The following CUX2 variants were observed in gnomAD, a reference collection of about 807,000 sequenced individuals.
The protein encoded by CUX2 is cut like homeobox 2, also known as homeobox protein cut-like 2.
Under a neutral mutation model 144.8 loss-of-function variants are expected in CUX2, and 40 were observed. The observed-to-expected ratio is 0.28, with a 90% confidence interval of 0.21 to 0.36. The LOEUF (loss-of-function observed/expected upper bound fraction) is 0.36. CUX2 is among the 10% of genes least tolerant of loss of function. CUX2 has a pLI of 1.00. For synonymous variants in CUX2, 827 were observed against 875.6 expected, an observed-to-expected ratio of 0.94 and a Z score of 0.98; for missense variants, 1,615 against 1,994.0, an observed-to-expected ratio of 0.81 and a Z score of 3.62.
intron 1 of CUX2, among the ~76,000 whole-genome samples, chr12:111,101,816 C>T (rs545644123): frequency 2.6e-5 from 4 of 152,238 alleles, no homozygotes; most frequent in African/African-American, 7.2e-5. Flanking sequence ...CAGATTGGTT[C>T]GGTGTGTCCT....
At chr12:111,344,281 G>A (rs780718407) in intron 21 of CUX2, among the ~76,000 whole-genome samples, 3 of 152,134 alleles carry the variant, frequency 2.0e-5, no homozygotes. Context: ...ACCAATCCCC[G>A]CCCTTAAGGA....
At chr12:111,204,349 G>A (rs529969810) in intron 1 of CUX2, among the ~76,000 whole-genome samples, 8 of 152,340 alleles carry the variant, frequency 5.3e-5, no homozygotes, top group Non-Finnish European at 1.2e-4. Flanking sequence ...TGCTCCCCAT[G>A]TAACCACATG....
At chr12:111,102,228 C>T (rs1873298020) in intron 1 of CUX2, among the ~76,000 whole-genome samples, 1 of 152,218 alleles carries the variant, frequency 6.6e-6, no homozygotes, top group South Asian at 2.1e-4. Flanking sequence ...CCTGTCTCTC[C>T]TCCAACGGTC....
intron 1 of CUX2, among the ~76,000 whole-genome samples, chr12:111,073,657 A>G (rs1871357245): frequency 6.6e-6 from 1 of 152,072 alleles, no homozygotes; most frequent in South Asian, 2.1e-4. Context: ...CCAAATTGTA[A>G]CAATGAAAAA....
chr12:111,226,557 G>A (rs1882156365), intron 3 of CUX2, among the ~76,000 whole-genome samples: 2 of 151,984 alleles, frequency 1.3e-5, no homozygotes, highest in Non-Finnish European at 2.9e-5. Flanking sequence ...GTTGTTCCGG[G>A]TATTTCTCAT....
intron 1 of CUX2, among the ~76,000 whole-genome samples, chr12:111,071,868 A>G (rs1871266142): frequency 6.6e-6 from 1 of 152,204 alleles, no homozygotes; most frequent in African/African-American, 2.4e-5. Context: ...TTGAAAAGAC[A>G]AATATCTCTT....
intron 1 of CUX2, among the ~76,000 whole-genome samples, chr12:111,125,523 T>A (rs1231047187): frequency 6.6e-6 from 1 of 152,258 alleles, no homozygotes. Flanking sequence ...TAGCCTTTTA[T>A]GTCTGGCATC....
At position 111,312,708 on chromosome 12, in the gene CUX2, A is replaced by G. The variant is rs906976874; in HGVS notation, c.2002+507A>G. ...AAGCAAGACTCTGTCAGAAAAAAAAAAAGAAAAATATCCCAAGACTCGACA... is the reference window on the plus strand; with the variant it reads ...AAGCAAGACTCTGTCAGAAAAAAAAGAAGAAAAATATCCCAAGACTCGACA... On this transcript the variant is annotated intron_variant, in intron 16 of 21. Transcript: ENST00000261726. This position sits in a 1 kb window ranked among gnomAD's most constrained non-coding sequence, Gnocchi z 4.3. 3.9e-5 allele frequency among the ~76,000 whole-genome samples: 6 copies of G among 152,034 alleles called. No individual in the cohort carries two copies. Among genetic ancestry groups the G allele is most frequent in the Non-Finnish European group, 8.8e-5 (6 of 67,990 alleles).
intron 1 of CUX2, among the ~76,000 whole-genome samples, chr12:111,161,851 C>A (rs1432317087): frequency 6.6e-6 from 1 of 152,242 alleles, no homozygotes; most frequent in East Asian, 1.9e-4. Context: ...CCTCCCACTT[C>A]AGCCTCTCAA....
chr12:111,314,759 A>G (rs1451941048), intron 16 of CUX2, among the ~76,000 whole-genome samples: 1 of 151,342 alleles, frequency 6.6e-6, no homozygotes, highest in Non-Finnish European at 1.5e-5. Context: ...CAGGAGGATC[A>G]CCTGAGCCCA....
chr12:111,205,556 T>C (rs1392578340), intron 1 of CUX2, among the ~76,000 whole-genome samples: 1 of 152,182 alleles, frequency 6.6e-6, no homozygotes, highest in Non-Finnish European at 1.5e-5. Context: ...CACCCAGTCA[T>C]GCACACAGCC....
intron 3 of CUX2, among the ~76,000 whole-genome samples, chr12:111,220,986 C>G (rs1881828818): frequency 6.7e-6 from 1 of 148,384 alleles, no homozygotes; most frequent in African/African-American, 2.5e-5. Flanking sequence ...AACACTTCAG[C>G]AGCATGGAGG....
At chr12:111,055,673 C>A (rs541033119) in intron 1 of CUX2, among the ~76,000 whole-genome samples, 143 of 152,346 alleles carry the variant, frequency 9.4e-4, no homozygotes, top group African/African-American at 2.9e-3. Context: ...GGCAGCCCCC[C>A]TTCCCCCAGC....
Position 111,307,255 on chromosome 12 carries a change from G to C in CUX2, c.1107G>C (p.Leu369=). Residue 369 remains leucine, a splice_region_variant and synonymous_variant, in exon 12 of 22, where the codon CTG becomes CTC. Transcript: ENST00000261726. The surrounding 1 kb of genome is among the most constrained non-coding windows in gnomAD (Gnocchi z 4.1). ...QSDYEEIKTE[L]SILKAMKLAS... Reference sequence around the variant, plus strand: ...ACTATGAGGAAATTAAAACGGAGCTGAGGTACCATGTGGGGTGGGGCTCCA... The same window carrying C: ...ACTATGAGGAAATTAAAACGGAGCTCAGGTACCATGTGGGGTGGGGCTCCA... 1.4e-5 allele frequency: 22 copies of C among 1,614,026 alleles called. No homozygotes were observed. Among genetic ancestry groups the C allele is most frequent in the Non-Finnish European group, 1.8e-5 (21 of 1,179,982 alleles).
At chr12:111,140,769 G>C (rs915136280) in intron 1 of CUX2, among the ~76,000 whole-genome samples, 2 of 152,232 alleles carry the variant, frequency 1.3e-5, no homozygotes, top group Non-Finnish European at 2.9e-5. Flanking sequence ...GAACTCGAAA[G>C]CTGTGTTACC....
intron 1 of CUX2, among the ~76,000 whole-genome samples, chr12:111,199,768 ATGTT>A (rs1288923215): frequency 7.3e-5 from 11 of 151,534 alleles, no homozygotes; most frequent in African/African-American, 1.2e-4. Flanking sequence ...CCCTGTATCT[ATGTT>A]TGTACGTGTG....
At chr12:111,271,064 G>A (rs905612543) in intron 4 of CUX2, among the ~76,000 whole-genome samples, 1 of 152,194 alleles carries the variant, frequency 6.6e-6, no homozygotes, top group Non-Finnish European at 1.5e-5. Flanking sequence ...GCAGCCCATT[G>A]ACATCAGGGT....
In CUX2 at chr12:111,338,338, T is replaced by C. The variant is rs1192896722; in HGVS notation, c.3249T>C (p.Ser1083=). The change falls in exon 20 of 22, where the codon TCT becomes TCC. Residue 1083 remains serine, a synonymous_variant. Coordinates refer to ENST00000261726, the MANE Select transcript of CUX2 (RefSeq NM_015267.4). ...TGGGTCTGACACAGGGCTCCGTGTC[T>C]GACCTGCTGTCCCGGCCCAAACCCT... ...SILGLTQGSV[S]DLLSRPKPWH... is the part of the protein sequence containing the mutation. 14 of 1,614,016 alleles carry C rather than the reference T, an allele frequency of 8.7e-6. No individual in the cohort carries two copies. In the South Asian group the frequency reaches 1.4e-4, roughly 16 times the overall value.
chr12:111,076,869 T>C (rs1871562630), intron 1 of CUX2, among the ~76,000 whole-genome samples: 2 of 152,194 alleles, frequency 1.3e-5, no homozygotes, highest in South Asian at 4.1e-4. Flanking sequence ...AAATCCTTTA[T>C]TTACTCTGCT....
Sources: gnomAD v4.1 joint callset for allele counts (sites outside exome capture counted in the v4.1 genomes callset) on GRCh38, gnomAD v4.1.1 for gene constraint, Gnocchi (gnomAD v3.1) non-coding constraint, MANE v1.5 for transcripts, NCBI Gene and HGNC (gene_info 2026-07-23, HGNC 2026-07-21) for gene names.